TMEM132D: variants seen among roughly 807,000 people sequenced by gnomAD.
The protein encoded by TMEM132D is mature OL transmembrane protein.
In TMEM132D, 21 loss-of-function variants were observed where a neutral mutation model predicts 62.3. That is an observed-to-expected ratio of 0.34 (90% CI 0.24 to 0.49). The LOEUF (loss-of-function observed/expected upper bound fraction) is 0.49, where lower values mean the gene tolerates loss of function less well. Among genes scored for constraint, TMEM132D ranks in the 20% least tolerant of loss-of-function variants. The pLI, the probability that TMEM132D is intolerant of heterozygous loss-of-function variation, is 0.99. For missense variants in TMEM132D, 1,346 were observed against 1,402.8 expected (o/e 0.96, Z 0.65); for synonymous variants, 621 against 575.6 (o/e 1.08, Z -1.13).
At chr12:129,795,314 C>T (rs73429395) in intron 1 of TMEM132D, among the ~76,000 whole-genome samples, 9,829 of 152,240 alleles carry the variant, frequency 0.065, 376 homozygotes, top group Middle Eastern at 0.088. Flanking sequence ...CTGGGCCTGG[C>T]TATGGCTAAA....
chr12:129,262,484 G>C (rs1305436630), intron 4 of TMEM132D: 2 of 152,286 alleles, frequency 1.3e-5, no homozygotes, highest in Non-Finnish European at 2.9e-5. Flanking sequence ...CCAGGTAAGA[G>C]CTGTGGGACT....
chr12:129,567,222 T>G (rs916045484), intron 2 of TMEM132D, among the ~76,000 whole-genome samples: 1 of 152,224 alleles, frequency 6.6e-6, no homozygotes, highest in African/African-American at 2.4e-5. Flanking sequence ...AAAATGTGAT[T>G]TTTTGATATT....
intron 5 of TMEM132D, among the ~76,000 whole-genome samples, chr12:129,132,183 C>A (rs1317585686): frequency 6.6e-6 from 1 of 152,094 alleles, no homozygotes; most frequent in Non-Finnish European, 1.5e-5. Context: ...CTTGCAGTAA[C>A]CTGTTTGTTC....
At chr12:129,534,434 A>ATAT (rs561391305) in intron 2 of TMEM132D, among the ~76,000 whole-genome samples, 27,331 of 149,864 alleles carry the variant, frequency 0.18, 2,731 homozygotes, top group South Asian at 0.24. Flanking sequence ...TATATATATA[A>ATAT]AAATATATAA....
chr12:129,750,643 T>C (rs1869968653), intron 1 of TMEM132D, among the ~76,000 whole-genome samples: 1 of 152,160 alleles, frequency 6.6e-6, no homozygotes, highest in Non-Finnish European at 1.5e-5. Flanking sequence ...TGGTTGACTT[T>C]TAAAAGCCAA....
chr12:129,388,501 G>C (rs1486013162), intron 3 of TMEM132D, among the ~76,000 whole-genome samples: 3 of 74,084 alleles, frequency 4.0e-5, no homozygotes, highest in Admixed American at 1.3e-4. Flanking sequence ...AACACTAATA[G>C]CAACACCAAT....
chr12:129,276,563 C>T (rs143365776), intron 4 of TMEM132D, among the ~76,000 whole-genome samples: 3 of 152,172 alleles, frequency 2.0e-5, no homozygotes, highest in Admixed American at 6.5e-5. Flanking sequence ...CAGATAAAGT[C>T]GTGCAGGCGT....
chr12:129,724,276 A>G (rs933283522), intron 1 of TMEM132D, among the ~76,000 whole-genome samples: 1 of 152,222 alleles, frequency 6.6e-6, no homozygotes, highest in African/African-American at 2.4e-5. Flanking sequence ...TTGGAAGCCC[A>G]TCCCATGAGA....
At chr12:129,807,851 T>C (rs1947327) in intron 1 of TMEM132D, among the ~76,000 whole-genome samples, 151,822 of 152,324 alleles carry the variant, frequency 1, 75,668 homozygotes, top group Middle Eastern at 1. Flanking sequence ...TTAAAGCAAT[T>C]TGTGCTATCT....
intron 3 of TMEM132D, among the ~76,000 whole-genome samples, chr12:129,466,467 G>A (rs951107847): frequency 1.3e-5 from 2 of 151,860 alleles, no homozygotes; most frequent in Non-Finnish European, 2.9e-5. Context: ...CCACAGGCAC[G>A]CACTACTGTG....
intron 5 of TMEM132D, among the ~76,000 whole-genome samples, chr12:129,132,644 C>T (rs142233475): frequency 5.9e-5 from 9 of 152,290 alleles, no homozygotes; most frequent in Middle Eastern, 3.4e-3. Flanking sequence ...AGTGTGTATG[C>T]ATTCAACTTA....
intron 1 of TMEM132D, among the ~76,000 whole-genome samples, chr12:129,818,468 A>T (rs1872440630): frequency 7.7e-6 from 1 of 129,700 alleles, no homozygotes; most frequent in Non-Finnish European, 1.6e-5. Context: ...ATCTGTGTGT[A>T]TGTGGTTTTG....
chr12:129,507,237 A>G (rs1165655075), intron 3 of TMEM132D, among the ~76,000 whole-genome samples: 1 of 152,226 alleles, frequency 6.6e-6, no homozygotes, highest in East Asian at 1.9e-4. Flanking sequence ...AGTGGTGAAC[A>G]GGGAATACTT....
At chr12:129,842,994 G>A (rs749485949) in intron 1 of TMEM132D, among the ~76,000 whole-genome samples, 1 of 152,090 alleles carries the variant, frequency 6.6e-6, no homozygotes, top group Admixed American at 6.5e-5. Context: ...TTACAAAAGA[G>A]AACATTCAGC....
intron 4 of TMEM132D, among the ~76,000 whole-genome samples, chr12:129,257,237 C>T (rs538647739): frequency 7.1e-6 from 1 of 140,866 alleles, no homozygotes; most frequent in East Asian, 2.1e-4. Flanking sequence ...GATAGAGTCT[C>T]ACTCTGTCGC....
rs140040970 is a variant in TMEM132D, at chr12:129,394,572, A to G, written c.1116-56755T>C. Among the ~76,000 whole-genome samples, 332 of 152,308 alleles carry G rather than the reference A, an allele frequency of 2.2e-3. 1 individual carries two copies. The highest frequency in any genetic ancestry group is 7.8e-3 in the African/African-American group (324 of 41,560). Reference sequence around the variant, plus strand: ...CTCCCAAATATAGGCCATCCTGGAGAAGGGGGAGACAGAGGGACACCCGTG... The same window carrying G: ...CTCCCAAATATAGGCCATCCTGGAGGAGGGGGAGACAGAGGGACACCCGTG... On this transcript the variant is annotated intron_variant, in intron 3 of 8. Transcript: ENST00000422113.
At chr12:129,514,124 C>T (rs963083959) in intron 3 of TMEM132D, among the ~76,000 whole-genome samples, 1 of 152,050 alleles carries the variant, frequency 6.6e-6, no homozygotes, top group African/African-American at 2.4e-5. Context: ...CAGGCGTGAG[C>T]CACCGAGCCC....
intron 3 of TMEM132D, among the ~76,000 whole-genome samples, chr12:129,395,939 T>C: frequency 6.9e-6 from 1 of 145,690 alleles, no homozygotes; most frequent in East Asian, 1.9e-4. Context: ...ATACTATATA[T>C]AATGTATTAT....
At chr12:129,293,348 T>C (rs779278169) in intron 4 of TMEM132D, among the ~76,000 whole-genome samples, 1 of 152,066 alleles carries the variant, frequency 6.6e-6, no homozygotes, top group African/African-American at 2.4e-5. Context: ...GAAGAAGTTA[T>C]TCAGTCAGAT....
Sources: allele counts gnomAD v4.1 joint callset (sites outside exome capture counted in the v4.1 genomes callset), GRCh38; gene constraint gnomAD v4.1.1; transcripts MANE v1.5; gene names NCBI Gene and HGNC (gene_info 2026-07-23, HGNC 2026-07-21).